ABLIM1: variants seen among roughly 807,000 people sequenced by gnomAD.
ABLIM1 encodes the protein actin binding LIM protein 1.
A neutral mutation model predicts 107.0 loss-of-function variants in ABLIM1; 40 were observed. That is an observed-to-expected ratio of 0.37 (90% CI 0.29 to 0.49). The LOEUF is 0.49. ABLIM1 is among the 20% of genes least tolerant of loss of function. The pLI is 0.97. For missense variants in ABLIM1, 857 were observed against 1,008.5 expected, an observed-to-expected ratio of 0.85 and a Z score of 2.04; for synonymous variants, 357 against 357.3, an observed-to-expected ratio of 1.00 and a Z score of 0.01.
chr10:114,581,314 C>T (rs1269784525), intron 2 of ABLIM1, among the ~76,000 whole-genome samples: 1 of 152,188 alleles, frequency 6.6e-6, no homozygotes, highest in Non-Finnish European at 1.5e-5. Context: ...ATGAACAGGG[C>T]TGCAGTAGCA....
At chr10:114,622,996 T>G (rs1020288772) in intron 1 of ABLIM1, among the ~76,000 whole-genome samples, 2 of 152,200 alleles carry the variant, frequency 1.3e-5, no homozygotes, top group Non-Finnish European at 2.9e-5. Flanking sequence ...AAGGTCTGGC[T>G]CTATTGCTCA....
rs117879268 is a variant in ABLIM1, at chr10:114,694,276, T to G, written c.-213+73785A>C. On this transcript the variant is annotated intron_variant, in intron 1 of 15. Coordinates refer to the ABLIM1 transcript ENST00000651092. Reference sequence around the variant, plus strand: ...GTGTGGGTTCTGGCCCGGGTGCCACTCTGAGAAAACATCACGGACTTCCTA... The same window carrying G: ...GTGTGGGTTCTGGCCCGGGTGCCACGCTGAGAAAACATCACGGACTTCCTA... Among the ~76,000 whole-genome samples, 51 of 152,258 alleles carry G rather than the reference T, an allele frequency of 3.3e-4. No homozygotes were observed. In the East Asian group the frequency reaches 7.5e-3, roughly 23 times the overall value.
At chr10:114,720,064 C>T (rs2081803427) in intron 1 of ABLIM1, among the ~76,000 whole-genome samples, 1 of 152,150 alleles carries the variant, frequency 6.6e-6, no homozygotes, top group Non-Finnish European at 1.5e-5. Context: ...TGTTGTTTCC[C>T]TCCCTGTGTC....
At chr10:114,766,331 A>G (rs190213977) in intron 1 of ABLIM1, among the ~76,000 whole-genome samples, 30 of 152,344 alleles carry the variant, frequency 2.0e-4, no homozygotes, top group Admixed American at 1.8e-3. Context: ...AAGATGACCA[A>G]CATGAAGTTT....
At chr10:114,694,323 T>C (rs1228010310) in intron 1 of ABLIM1, among the ~76,000 whole-genome samples, 1 of 152,160 alleles carries the variant, frequency 6.6e-6, no homozygotes, top group East Asian at 1.9e-4. Context: ...CACTTGGGGT[T>C]GCATTCTGGA....
At chr10:114,447,473 A>C (rs1011122543) in intron 15 of ABLIM1, among the ~76,000 whole-genome samples, 2 of 152,250 alleles carry the variant, frequency 1.3e-5, no homozygotes, top group Admixed American at 1.3e-4. Context: ...AAACAAATTT[A>C]ACTGAAAGAA....
At chr10:114,624,434 G>A (rs1024639663) in intron 1 of ABLIM1, among the ~76,000 whole-genome samples, 8 of 152,238 alleles carry the variant, frequency 5.3e-5, no homozygotes, top group Middle Eastern at 3.4e-3. Context: ...TCAATTTGTC[G>A]TTCTTTAAAA....
chr10:114,593,180 T>C (rs1699123852), intron 2 of ABLIM1, among the ~76,000 whole-genome samples: 1 of 152,238 alleles, frequency 6.6e-6, no homozygotes, highest in Non-Finnish European at 1.5e-5. Flanking sequence ...GTTGTACTAA[T>C]CGTTTTCTTA....
intron 11 of ABLIM1, 85 bp from the exon 12 acceptor site, chr10:114,465,912 G>C: frequency 1.4e-6 from 2 of 1,451,414 alleles, no homozygotes; most frequent in Non-Finnish European, 1.9e-6. Context: ...GAACCATCAT[G>C]TCTACTTGTT....
intron 1 of ABLIM1, among the ~76,000 whole-genome samples, chr10:114,636,240 G>A (rs1266928921): frequency 2.0e-5 from 3 of 152,202 alleles, no homozygotes; most frequent in Admixed American, 6.5e-5. Flanking sequence ...AATAGGGCAA[G>A]AAGGCATCCA....
At chr10:114,702,582 A>G (rs955573281) in intron 1 of ABLIM1, among the ~76,000 whole-genome samples, 7 of 143,686 alleles carry the variant, frequency 4.9e-5, no homozygotes, top group Non-Finnish European at 1.0e-4. Flanking sequence ...GCTGGAGTGC[A>G]GTGGCGCGAT....
At chr10:114,468,258 A>C in intron 10 of ABLIM1, 42 bp from the exon 11 acceptor site, 1 of 1,586,794 alleles carries the variant, frequency 6.3e-7, no homozygotes, top group South Asian at 1.1e-5. Flanking sequence ...ATGTTTGTTA[A>C]CTCTTTGCCG....
chr10:114,501,832 A>C (rs2060471510), intron 6 of ABLIM1, among the ~76,000 whole-genome samples: 1 of 152,202 alleles, frequency 6.6e-6, no homozygotes, highest in Admixed American at 6.5e-5. Flanking sequence ...ATCTACATTG[A>C]TACATCATTA....
At chr10:114,627,909 T>A (rs7904491) in intron 1 of ABLIM1, among the ~76,000 whole-genome samples, 59,466 of 151,942 alleles carry the variant, frequency 0.39, 12,835 homozygotes, top group Non-Finnish European at 0.5. Flanking sequence ...GATCACCTGA[T>A]GTCAGCAGTT....
chr10:114,683,961 G>T (rs920476764), intron 1 of ABLIM1, among the ~76,000 whole-genome samples: 2 of 152,148 alleles, frequency 1.3e-5, no homozygotes, highest in Non-Finnish European at 2.9e-5. Context: ...ACAGGTGTTT[G>T]CCCACAGTCA....
At chr10:114,708,661 G>T (rs569986975) in intron 1 of ABLIM1, among the ~76,000 whole-genome samples, 2 of 152,290 alleles carry the variant, frequency 1.3e-5, no homozygotes, top group South Asian at 4.1e-4. Context: ...GGGGATAAAA[G>T]CAAAGTTAAG....
the ABLIM1 span, among the ~76,000 whole-genome samples, chr10:114,797,358 T>C: frequency 6.6e-6 from 1 of 152,226 alleles, no homozygotes; most frequent in Non-Finnish European, 1.5e-5. Context: ...TTCTATTACC[T>C]ACAACCAGGT....
chr10:114,662,669 T>A (rs1475134550), upstream of ABLIM1, among the ~76,000 whole-genome samples: 1 of 152,216 alleles, frequency 6.6e-6, no homozygotes, highest in Non-Finnish European at 1.5e-5. Context: ...TAATGCCACT[T>A]GCCCAAGACC....
chr10:114,449,031 G>A (rs779387844), intron 14 of ABLIM1, among the ~76,000 whole-genome samples: 1 of 152,164 alleles, frequency 6.6e-6, no homozygotes, highest in South Asian at 2.1e-4. Flanking sequence ...TATGTTTGCC[G>A]TTTCCACTCA....
Sources: gnomAD v4.1 joint callset for allele counts (sites outside exome capture counted in the v4.1 genomes callset) on GRCh38, gnomAD v4.1.1 for gene constraint, MANE v1.5 for transcripts, NCBI Gene and HGNC (gene_info 2026-07-23, HGNC 2026-07-21) for gene names.